Variants in MSH5 observed in about 807,000 individuals in gnomAD.
MSH5 encodes mutS protein homolog 5.
MSH5 carries 78 observed loss-of-function variants against 107.7 expected under a neutral mutation model. That is an observed-to-expected ratio of 0.72 (90% CI 0.60 to 0.87). MSH5 has a LOEUF of 0.87. Among genes scored for constraint, MSH5 ranks in the 40% least tolerant of loss-of-function variants. The pLI is 0.00. For missense variants in MSH5, 889 were observed against 1,046.6 expected, an observed-to-expected ratio of 0.85 and a Z score of 2.08; for synonymous variants, 326 against 399.5, an observed-to-expected ratio of 0.82 and a Z score of 2.19.
At chr6:31,755,280 T>C (rs1353211192) in intron 12 of MSH5, among the ~76,000 whole-genome samples, 1 of 152,048 alleles carries the variant, frequency 6.6e-6, no homozygotes, top group Non-Finnish European at 1.5e-5. Context: ...GCCTCCTGAG[T>C]AGCAGGGACC....
intron 5 of MSH5, 28 bp from the exon 6 acceptor site, chr6:31,743,876 G>A (rs758444767): frequency 2.5e-5 from 40 of 1,610,540 alleles, no homozygotes; most frequent in Admixed American, 3.4e-5. Flanking sequence ...CTACAAGACC[G>A]TTCCCTTTGC....
intron 12 of MSH5, among the ~76,000 whole-genome samples, chr6:31,755,439 C>T (rs1046278931): frequency 5.3e-5 from 8 of 151,630 alleles, no homozygotes; most frequent in Non-Finnish European, 7.4e-5. Flanking sequence ...CTCGGCTCAC[C>T]GCAACCTCCA....
chr6:31,758,715 A>C lies in MSH5; in HGVS notation c.1217-51A>C. ...ACCACAGCTGGGGATCTTCATAGCAACCAGGGCAGGAGACTCACTTTTGAT... is the reference window on the plus strand; with the variant it reads ...ACCACAGCTGGGGATCTTCATAGCACCCAGGGCAGGAGACTCACTTTTGAT... On this transcript the variant is annotated intron_variant, in intron 14 of 24. Coordinates refer to ENST00000375750, the MANE Select transcript of MSH5 (RefSeq NM_172166.4). The surrounding 1 kb of genome is among the most constrained non-coding windows in gnomAD (Gnocchi z 5.1). The C allele has an allele frequency of 6.2e-7, 1 of 1,610,114 alleles. No individual in the cohort carries two copies. The highest frequency in any genetic ancestry group is 8.5e-7 in the Non-Finnish European group (1 of 1,176,396).
At chr6:31,742,836 A>G (rs1197677436) in intron 3 of MSH5, 41 bp from the exon 4 acceptor site, 1 of 1,586,520 alleles carries the variant, frequency 6.3e-7, no homozygotes, top group Non-Finnish European at 8.6e-7. Flanking sequence ...AGTCAAAGAC[A>G]AAGATCCTTT....
chr6:31,756,293 C>T (rs1353078051), intron 12 of MSH5, among the ~76,000 whole-genome samples: 2 of 152,042 alleles, frequency 1.3e-5, no homozygotes, highest in Admixed American at 6.6e-5. Flanking sequence ...GCCTCAGCCT[C>T]CTGAGTAGCT....
Position 31,760,615 on chromosome 6 carries a change from C to T in MSH5, c.1813-75C>T. ...CCCTGTCCATTTCTCTTTGATGTGC[C>T]ATTCATGCCTTGAGCCTCACTTTCA... On this transcript the variant is annotated intron_variant, in intron 19 of 24. Transcript: ENST00000375750. This position sits in a 1 kb window ranked among gnomAD's most constrained non-coding sequence, Gnocchi z 5.6. 2 of 1,573,224 alleles carry T rather than the reference C, an allele frequency of 1.3e-6. No individual in the cohort carries two copies. The highest frequency in any genetic ancestry group is 1.7e-6 in the Non-Finnish European group (2 of 1,145,868).
Position 31,741,236 on chromosome 6 carries a change from A to G in MSH5, c.221A>G (p.His74Arg). 3.1e-6 allele frequency: 5 copies of G among 1,612,758 alleles called. No homozygotes were observed. Among genetic ancestry groups the G allele is most frequent in the African/African-American group, 2.7e-5 (2 of 74,896 alleles). Reference sequence around the variant, plus strand: ...TATGATACTAGTGACTCCACTATCCACTTCATGCCAGATGCCCCAGACCAC... The same window carrying G: ...TATGATACTAGTGACTCCACTATCCGCTTCATGCCAGATGCCCCAGACCAC... ...AYYDTSDSTI[H>R]FMPDAPDHES... is the part of the protein sequence containing the mutation. Residue 74 changes from histidine (H) to arginine (R), a missense_variant, in exon 3 of 25, where the codon CAC becomes CGC. Coordinates refer to ENST00000375750, the MANE Select transcript of MSH5 (RefSeq NM_172166.4).
At chr6:31,743,314 C>A in intron 5 of MSH5, 144 bp downstream of exon 5, 2 of 817,880 alleles carry the variant, frequency 2.4e-6, no homozygotes, top group East Asian at 2.6e-5. Context: ...ACCTGTCCCC[C>A]CAAGATCTCT....
At position 31,758,797 on chromosome 6, in the gene MSH5, C is replaced by A. The variant is rs371674135; in HGVS notation, c.1248C>A (p.Phe416Leu). 5.0e-6 allele frequency: 8 copies of A among 1,614,086 alleles called. No homozygotes were observed. The highest frequency in any genetic ancestry group is 2.7e-5 in the African/African-American group (2 of 74,938). Residue 416 changes from phenylalanine to leucine, a missense_variant, in exon 15 of 25, where the codon TTC becomes TTA. Transcript: ENST00000375750. This position sits in a 1 kb window ranked among gnomAD's most constrained non-coding sequence, Gnocchi z 5.1. Reference sequence around the variant, plus strand: ...GAAGACTGATGGGACTTCCCAGTTTCCTTACTGAGGTTGCCCGCAAGGAGC... The same window carrying A: ...GAAGACTGATGGGACTTCCCAGTTTACTTACTGAGGTTGCCCGCAAGGAGC... Reference protein sequence around the residue: ...KKRRLMGLPSFLTEVARKELE... With the variant: ...KKRRLMGLPSLLTEVARKELE...
chr6:31,744,028 G>T lies in MSH5; in HGVS notation c.537+3G>T. The T allele has an allele frequency of 6.2e-7, 1 of 1,614,094 alleles. No individual in the cohort carries two copies. Among genetic ancestry groups the T allele is most frequent in the Non-Finnish European group, 8.5e-7 (1 of 1,179,998 alleles). On this transcript the variant is annotated splice_donor_region_variant and intron_variant, in intron 6 of 24. Transcript: ENST00000375750. ...TTCCCTTTGACTGCCTCCTCACAGT[G>T]AGATTGGTCCTGGGGGATAAGGGCT... is the stretch of plus-strand genomic sequence containing the variant.
chr6:31,741,729 T>C (rs189643094), intron 3 of MSH5, among the ~76,000 whole-genome samples: 1 of 151,926 alleles, frequency 6.6e-6, no homozygotes, highest in African/African-American at 2.4e-5. Context: ...TATTTTGTGT[T>C]GCTGTAAGGA....
At position 31,761,483 on chromosome 6, in the gene MSH5, C is replaced by T. The variant is rs746629529; in HGVS notation, c.2049C>T (p.Leu683=). Residue 683 remains leucine, a synonymous_variant, in exon 22 of 25, where the codon CTC becomes CTT. Transcript: ENST00000375750. The surrounding 1 kb of genome is among the most constrained non-coding windows in gnomAD (Gnocchi z 5.3). Reference sequence around the variant, plus strand: ...TGCCCTCTTTGCAGGTGGATGGGCTCGCGCTTCTGGCCGCTGTGCTCCGAC... The same window carrying T: ...TGCCCTCTTTGCAGGTGGATGGGCTTGCGCTTCTGGCCGCTGTGCTCCGAC... ...FGKGTNTVDG[L]ALLAAVLRHW... 2.5e-5 allele frequency: 40 copies of T among 1,612,970 alleles called. 1 individual carries two copies. The highest frequency in any genetic ancestry group is 6.6e-5 in the South Asian group (6 of 91,054).
chr6:31,740,877 CTG>C lies in MSH5; in HGVS notation c.147+266_147+267del, dbSNP rs1011390320. 5.3e-5 allele frequency among the ~76,000 whole-genome samples: 8 copies of C among 151,996 alleles called. No individual in the cohort carries two copies. Among genetic ancestry groups the C allele is most frequent in the African/African-American group, 1.9e-4 (8 of 41,348 alleles). Reference sequence around the variant, plus strand: ...TGGGAAGGCTGAGGCAGGAGAATCACTGTAACTCGGGAGGCGGAGGTTGCAAT... The same window carrying C: ...TGGGAAGGCTGAGGCAGGAGAATCACTAACTCGGGAGGCGGAGGTTGCAAT... On this transcript the variant is annotated intron_variant, in intron 2 of 24. Coordinates refer to ENST00000375750, the MANE Select transcript of MSH5 (RefSeq NM_172166.4). The surrounding 1 kb of genome is among the most constrained non-coding windows in gnomAD (Gnocchi z 4.4).
At chr6:31,745,193 C>A in intron 8 of MSH5, 44 bp from the exon 9 acceptor site, 1 of 1,239,922 alleles carries the variant, frequency 8.1e-7, no homozygotes, top group Non-Finnish European at 1.2e-6. Flanking sequence ...TTATTCCCTT[C>A]AAAAGTCCAA....
Position 31,740,517 on chromosome 6 carries a change from T to TGG in MSH5, c.54_55dup (p.Ala19GlyfsTer93). On this transcript the variant is annotated frameshift_variant, in exon 2 of 25. Coordinates refer to ENST00000375750, the MANE Select transcript of MSH5 (RefSeq NM_172166.4). LOFTEE classifies it high-confidence loss of function. This position sits in a 1 kb window ranked among gnomAD's most constrained non-coding sequence, Gnocchi z 4.4. ...GGAGGACACCGCAGGGACCGAGACC[T>TGG]GGGGCGGCCTCCTCCGGCTTCCCCA... The TGG allele has an allele frequency of 6.4e-7, 1 of 1,554,340 alleles. No homozygotes were observed. The highest frequency in any genetic ancestry group is 8.7e-7 in the Non-Finnish European group (1 of 1,149,324).
At position 31,740,562 on chromosome 6, in the gene MSH5, C is replaced by A; in HGVS notation, c.96C>A (p.Gly32=). The change falls in exon 2 of 25, where the codon GGC becomes GGA. Residue 32 remains glycine, a synonymous_variant. Coordinates refer to ENST00000375750, the MANE Select transcript of MSH5 (RefSeq NM_172166.4). The surrounding 1 kb of genome is among the most constrained non-coding windows in gnomAD (Gnocchi z 4.4). ...SGFPSPAPVP[G]PREAEEEEVE... ...TCCCCAGCCCGGCCCCAGTGCCGGG[C>A]CCCAGGGAGGCCGAGGAGGAGGAAG... 6.6e-7 allele frequency: 1 copy of A among 1,519,282 alleles called. No homozygotes were observed. The highest frequency in any genetic ancestry group is 1.4e-5 in the African/African-American group (1 of 70,358). 94.1% of individuals were successfully genotyped at this position (1,519,282 alleles called of 1,614,324 possible).
At chr6:31,749,028 G>C (rs1442902964) in intron 10 of MSH5, among the ~76,000 whole-genome samples, 1 of 150,782 alleles carries the variant, frequency 6.6e-6, no homozygotes, top group Non-Finnish European at 1.5e-5. Flanking sequence ...CAATTCTCCT[G>C]CCTCAGCCTC....
Position 31,759,311 on chromosome 6 carries a change from T to G in MSH5, c.1408-114T>G. The G allele has an allele frequency of 5.0e-6, 7 of 1,406,578 alleles. No homozygotes were observed. The South Asian group carries it at 8.1e-5, about 16-fold the overall frequency. 87.1% of individuals were successfully genotyped at this position (1,406,578 alleles called of 1,614,324 possible). The stretch of plus-strand genomic sequence containing the variant: ...GTTTTACTCTGAGCTTTACCAGCAC[T>G]GAGACAAAGGAAAGAGAAGTCAGAG... On this transcript the variant is annotated intron_variant, in intron 16 of 24. Coordinates refer to ENST00000375750, the MANE Select transcript of MSH5 (RefSeq NM_172166.4). This position sits in a 1 kb window ranked among gnomAD's most constrained non-coding sequence, Gnocchi z 4.7.
In MSH5 at chr6:31,753,528, GGAAGA is replaced by G. The variant is rs1358271746; in HGVS notation, c.952-35_952-31del. On this transcript the variant is annotated intron_variant, in intron 11 of 24. Transcript: ENST00000375750. ...GCTTCTTGAGGGGCATTAGAGTGAG[GGAAGA>G]GAAAACAGCGGCTGTAACCTTGTCT... 14 of 1,613,860 alleles carry G rather than the reference GGAAGA, an allele frequency of 8.7e-6. No individual in the cohort carries two copies. In the Admixed American group the frequency reaches 1.7e-4, roughly 19 times the overall value.
Sources: allele counts gnomAD v4.1 joint callset (sites outside exome capture counted in the v4.1 genomes callset), GRCh38; gene constraint gnomAD v4.1.1; non-coding constraint Gnocchi (gnomAD v3.1); transcripts MANE v1.5; gene names NCBI Gene and HGNC (gene_info 2026-07-23, HGNC 2026-07-21).